Variants in RPUSD2 observed in about 807,000 individuals in gnomAD.
RPUSD2 encodes pseudouridylate synthase RPUSD2.
RPUSD2 carries 31 observed loss-of-function variants against 41.5 expected under a neutral mutation model. That is an observed-to-expected ratio of 0.75 (90% CI 0.56 to 1.01). The LOEUF (loss-of-function observed/expected upper bound fraction) is 1.01. Among genes scored for constraint, RPUSD2 ranks in the 50% least tolerant of loss-of-function variants. RPUSD2 has a pLI of 0.00. For missense variants in RPUSD2, 749 were observed against 724.7 expected, an observed-to-expected ratio of 1.03 and a Z score of -0.38; for synonymous variants, 305 against 289.7, an observed-to-expected ratio of 1.05 and a Z score of -0.54.
rs372227449 is a variant in RPUSD2 at position 40,574,484 on chromosome 15, G to A, written c.*223G>A. 1.7e-4 allele frequency: 76 copies of A among 443,682 alleles called. 1 individual carries two copies. The South Asian group carries it at 2.9e-3, about 17-fold the overall frequency. The allele number at this position is 443,682 out of a possible 1,614,324, so 27.5% of individuals were successfully genotyped here. Reference sequence around the variant, plus strand: ...CATCTTTGATGTCTGGTTTTCTTCCGGCTTCTTTTTTATTACTGATGTAAA... The same window carrying A: ...CATCTTTGATGTCTGGTTTTCTTCCAGCTTCTTTTTTATTACTGATGTAAA... On this transcript the variant is annotated 3_prime_UTR_variant, in exon 3 of 3. Transcript: ENST00000315616.
chr15:40,570,289 G>A (rs1350115498), intron 1 of RPUSD2, among the ~76,000 whole-genome samples: 1 of 151,950 alleles, frequency 6.6e-6, no homozygotes, highest in Non-Finnish European at 1.5e-5. Context: ...TGTGCAAATA[G>A]TAATAATAGG....
chr15:40,571,892 G>A lies in RPUSD2; in HGVS notation c.895G>A (p.Asp299Asn). The change falls in exon 2 of 3, where the codon GAC becomes AAC. Residue 299 changes from aspartate (D) to asparagine (N), a missense_variant. Coordinates refer to ENST00000315616, the MANE Select transcript of RPUSD2 (RefSeq NM_152260.3). ...TGAGAGAATTCACGAGCAGGTTCGG[G>A]ACCGGCAGGTGAGTCAGGCTTTTGT... is the stretch of plus-strand genomic sequence containing the variant. ...VSERIHEQVR[D>N]RQLEKEYVCR... The A allele has an allele frequency of 6.2e-7, 1 of 1,613,118 alleles. No homozygotes were observed. The highest frequency in any genetic ancestry group is 8.5e-7 in the Non-Finnish European group (1 of 1,179,354).
At position 40,571,635 on chromosome 15, in the gene RPUSD2, GGCA is replaced by G; in HGVS notation, c.639_641del (p.Arg213_His214delinsSer). 7 of 1,614,232 alleles carry G rather than the reference GGCA, an allele frequency of 4.3e-6. No homozygotes were observed. Among genetic ancestry groups the G allele is most frequent in the Non-Finnish European group, 1.7e-6 (2 of 1,180,040 alleles). On this transcript the variant is annotated inframe_deletion, in exon 2 of 3. Coordinates refer to ENST00000315616, the MANE Select transcript of RPUSD2 (RefSeq NM_152260.3). ...GATTTCTTGCGGAACACAGTGCACA[GGCA>G]TGAGCCACCAGTCACAGCAGAGCCC...
Position 40,573,726 on chromosome 15 carries a change from G to A in RPUSD2, c.1103G>A (p.Arg368His), listed in dbSNP as rs770620053. ...SVVRCRPLTGRTHQIRVHLQF... is the reference protein window; with the variant it reads ...SVVRCRPLTGHTHQIRVHLQF... ...GTACGGTGCCGGCCACTCACAGGCC[G>A]CACACACCAGATTCGAGTCCACCTT... The change falls in exon 3 of 3, where the codon CGC becomes CAC. Residue 368 changes from arginine to histidine, a missense_variant. Physicochemically the swap from Arg to His is conservative, Grantham distance 29 (BLOSUM62 0). Transcript: ENST00000315616. 6.2e-6 allele frequency: 10 copies of A among 1,614,056 alleles called. No individual in the cohort carries two copies. Among genetic ancestry groups the A allele is most frequent in the South Asian group, 2.2e-5 (2 of 91,092 alleles).
Position 40,574,093 on chromosome 15 carries a change from C to T in RPUSD2, c.1470C>T (p.Val490=). 4 of 1,614,164 alleles carry T rather than the reference C, an allele frequency of 2.5e-6. No individual in the cohort carries two copies. The highest frequency in any genetic ancestry group is 3.4e-6 in the Non-Finnish European group (4 of 1,180,030). Residue 490 remains valine, a synonymous_variant, in exon 3 of 3, where the codon GTC becomes GTT. Transcript: ENST00000315616. ...LASEKAVETD[V]MNQETDPLCA... ...CAGAGAAGGCAGTTGAAACAGATGT[C>T]ATGAATCAAGAGACAGACCCACTCT...
chr15:40,572,002 T>G, intron 2 of RPUSD2, 102 bp downstream of exon 2: 2 of 1,233,258 alleles, frequency 1.6e-6, no homozygotes, highest in Non-Finnish European at 2.3e-6. Context: ...CATATTTATC[T>G]GGCCATCCTT....
At chr15:40,572,440 C>T (rs893882967) in intron 2 of RPUSD2, among the ~76,000 whole-genome samples, 1 of 151,990 alleles carries the variant, frequency 6.6e-6, no homozygotes. Flanking sequence ...GTGGCGGGCA[C>T]CTATAGTCCC....
intron 2 of RPUSD2, 37 bp from the exon 3 acceptor site, chr15:40,573,490 C>G (rs1891183486): frequency 6.3e-7 from 1 of 1,578,278 alleles, no homozygotes; most frequent in African/African-American, 1.3e-5. Flanking sequence ...TGAATTTAGG[C>G]TTTGTACTGA....
At chr15:40,570,466 GCCTATGTTCCTATAACT>G (rs1430754987) in intron 1 of RPUSD2, among the ~76,000 whole-genome samples, 4 of 152,204 alleles carry the variant, frequency 2.6e-5, no homozygotes, top group African/African-American at 9.7e-5. Context: ...CACTACCAAA[GCCTATGTTCCTATAACT>G]ACTACTTAAA....
intron 2 of RPUSD2, among the ~76,000 whole-genome samples, chr15:40,572,175 C>G (rs1891156185): frequency 6.6e-6 from 1 of 151,944 alleles, no homozygotes; most frequent in Admixed American, 6.6e-5. Context: ...CACCTGTAAT[C>G]CCAGCATTTT....
intron 1 of RPUSD2, among the ~76,000 whole-genome samples, chr15:40,570,961 T>A (rs1891122687): frequency 6.6e-6 from 1 of 152,134 alleles, no homozygotes; most frequent in Non-Finnish European, 1.5e-5. Context: ...ATGGAGGTTT[T>A]TTCCTCCATT....
intron 2 of RPUSD2, among the ~76,000 whole-genome samples, chr15:40,573,020 C>CTTT (rs398026953): frequency 0.31 from 29,559 of 95,582 alleles, 3,912 homozygotes; most frequent in Middle Eastern, 0.37. Context: ...CTTTTCTTTT[C>CTTT]TTTTTTTTTT....
rs1891138185 is a variant in RPUSD2, at chr15:40,571,515, G to A, written c.607-89G>A. The A allele has an allele frequency of 3.3e-6, 4 of 1,222,786 alleles. No homozygotes were observed. In the African/African-American group the frequency reaches 4.5e-5, roughly 14 times the overall value. 75.7% of individuals were successfully genotyped at this position (1,222,786 alleles called of 1,614,324 possible). ...AGATGTGCTTTCACCATTTTTCCAT[G>A]TCAGTGAGGAACAGGGGAAGCTGGA... On this transcript the variant is annotated intron_variant, in intron 1 of 2. Transcript: ENST00000315616.
At position 40,574,388 on chromosome 15, in the gene RPUSD2, C is replaced by G. The variant is rs966751119; in HGVS notation, c.*127C>G. ...GAGGACGGGCTTCTAAAGAGACCTGCTCATACTTGCTACCTCCTTCCAGTG... is the reference window on the plus strand; with the variant it reads ...GAGGACGGGCTTCTAAAGAGACCTGGTCATACTTGCTACCTCCTTCCAGTG... On this transcript the variant is annotated 3_prime_UTR_variant, in exon 3 of 3. Coordinates refer to ENST00000315616, the MANE Select transcript of RPUSD2 (RefSeq NM_152260.3). The G allele has an allele frequency of 9.0e-7, 1 of 1,106,764 alleles. No homozygotes were observed. The highest frequency in any genetic ancestry group is 1.8e-5 in the South Asian group (1 of 56,106). 68.6% of individuals were successfully genotyped at this position (1,106,764 alleles called of 1,614,324 possible).
Position 40,574,108 on chromosome 15 carries a change from A to G in RPUSD2, c.1485A>G (p.Thr495=). The change falls in exon 3 of 3, where the codon ACA becomes ACG. Residue 495 remains threonine (T), a synonymous_variant. Coordinates refer to ENST00000315616, the MANE Select transcript of RPUSD2 (RefSeq NM_152260.3). ...AAACAGATGTCATGAATCAAGAGAC[A>G]GACCCACTCTGTGCAGAGTGCCGGC... ...AVETDVMNQE[T]DPLCAECRLV... 6.2e-7 allele frequency: 1 copy of G among 1,614,230 alleles called. No homozygotes were observed. Among genetic ancestry groups the G allele is most frequent in the Non-Finnish European group, 8.5e-7 (1 of 1,180,052 alleles).
chr15:40,573,478 C>T, intron 2 of RPUSD2, 49 bp from the exon 3 acceptor site: 1 of 1,563,408 alleles, frequency 6.4e-7, no homozygotes, highest in Non-Finnish European at 8.7e-7. Context: ...GTTTGGACTC[C>T]ATGAATTTAG....
intron 2 of RPUSD2, among the ~76,000 whole-genome samples, chr15:40,572,609 G>A (rs1337130156): frequency 2.6e-5 from 4 of 151,774 alleles, no homozygotes; most frequent in Non-Finnish European, 5.9e-5. Flanking sequence ...GCACATGCCT[G>A]TAGTCCCAGC....
At position 40,569,634 on chromosome 15, in the gene RPUSD2, T is replaced by C. The variant is rs1891091249; in HGVS notation, c.297T>C (p.His99=). The change falls in exon 1 of 3, where the codon CAT becomes CAC. Residue 99 remains histidine, a synonymous_variant. Coordinates refer to ENST00000315616, the MANE Select transcript of RPUSD2 (RefSeq NM_152260.3). ...CTGCAGCCCCAGGCCCGGGCAAGCA[T>C]AAGAAGCGGCGGGGCGCAACCAGGG... The part of the protein sequence containing the change: ...PSAAAPGPGK[H]KKRRGATRER... 1.3e-6 allele frequency: 2 copies of C among 1,541,060 alleles called. No individual in the cohort carries two copies. The highest frequency in any genetic ancestry group is 2.5e-5 in the South Asian group (2 of 80,984).
chr15:40,574,375 C>T lies in RPUSD2; in HGVS notation c.*114C>T, dbSNP rs1891212615. On this transcript the variant is annotated 3_prime_UTR_variant, in exon 3 of 3. Coordinates refer to ENST00000315616, the MANE Select transcript of RPUSD2 (RefSeq NM_152260.3). Reference sequence around the variant, plus strand: ...TTTCTATAGGAATGAGGACGGGCTTCTAAAGAGACCTGCTCATACTTGCTA... The same window carrying T: ...TTTCTATAGGAATGAGGACGGGCTTTTAAAGAGACCTGCTCATACTTGCTA... 3 of 1,285,496 alleles carry T rather than the reference C, an allele frequency of 2.3e-6. No homozygotes were observed. In the African/African-American group the frequency reaches 4.4e-5, roughly 19 times the overall value. The allele number at this position is 1,285,496 out of a possible 1,614,324, so 79.6% of individuals were successfully genotyped here.
Sources: gnomAD v4.1 joint callset for allele counts (sites outside exome capture counted in the v4.1 genomes callset) on GRCh38, gnomAD v4.1.1 for gene constraint, MANE v1.5 for transcripts, NCBI Gene and HGNC (gene_info 2026-07-23, HGNC 2026-07-21) for gene names.